ANKRD44: variants seen among roughly 807,000 people sequenced by gnomAD.
The protein encoded by ANKRD44 is serine/threonine-protein phosphatase 6 regulatory ankyrin repeat subunit B.
In ANKRD44, 35 loss-of-function variants were observed where a neutral mutation model predicts 116.0. The observed-to-expected ratio is 0.30, with a 90% confidence interval of 0.23 to 0.40. ANKRD44 has a LOEUF of 0.40. Ranked by LOEUF, ANKRD44 falls within the 10% of genes least tolerant of loss-of-function variation. The probability of loss-of-function intolerance (pLI) is 1.00; values close to 1 mark genes in which losing one functional copy is unlikely to be tolerated. For missense variants in ANKRD44, 1,014 were observed against 1,242.6 expected (o/e 0.82, Z 2.77); for synonymous variants, 435 against 461.8 (o/e 0.94, Z 0.74).
At chr2:197,213,071 A>ATAGT (rs1380487904) in intron 1 of ANKRD44, among the ~76,000 whole-genome samples, 1 of 152,180 alleles carries the variant, frequency 6.6e-6, no homozygotes, top group African/African-American at 2.4e-5. Flanking sequence ...TCCACAAGGG[A>ATAGT]TAGTATACAG....
chr2:197,275,673 T>C (rs2083058186), intron 1 of ANKRD44, among the ~76,000 whole-genome samples: 1 of 152,018 alleles, frequency 6.6e-6, no homozygotes. Flanking sequence ...GGGGTAGCAC[T>C]GCCCCTACAG....
At chr2:197,015,595 G>A in intron 17 of ANKRD44, 1 of 535,160 alleles carries the variant, frequency 1.9e-6, no homozygotes, top group Non-Finnish European at 3.4e-6. Context: ...AAGTAATTTT[G>A]GCTGTGGTAG....
chr2:197,274,008 T>TAGATATATATAA (rs1202436629), intron 1 of ANKRD44, among the ~76,000 whole-genome samples: 1 of 64,186 alleles, frequency 1.6e-5, no homozygotes, highest in Admixed American at 1.9e-4. Flanking sequence ...TATATATATA[T>TAGATATATATAA]ATATATATAT....
At chr2:197,175,054 G>C (rs1284531420) in intron 2 of ANKRD44, among the ~76,000 whole-genome samples, 1 of 152,124 alleles carries the variant, frequency 6.6e-6, no homozygotes, top group Non-Finnish European at 1.5e-5. Context: ...GGCTCTTGTT[G>C]TTTTTTGAAA....
intron 9 of ANKRD44, among the ~76,000 whole-genome samples, chr2:197,101,406 G>A (rs4850760): frequency 0.84 from 128,086 of 152,102 alleles, 56,490 homozygotes; most frequent in East Asian, 1. Flanking sequence ...TTTTCTTAGC[G>A]CACACAGTTA....
intron 5 of ANKRD44, 54 bp from the exon 6 acceptor site, chr2:197,125,522 C>T: frequency 1.4e-6 from 2 of 1,481,356 alleles, no homozygotes; most frequent in Non-Finnish European, 1.9e-6. Context: ...GGTGAGGCCT[C>T]CTCACTGCCT....
intron 15 of ANKRD44, among the ~76,000 whole-genome samples, chr2:197,080,311 T>C (rs1171987637): frequency 6.6e-6 from 1 of 152,216 alleles, no homozygotes; most frequent in Non-Finnish European, 1.5e-5. Context: ...GTGTTTTCAC[T>C]GGGAATGCCT....
intron 21 of ANKRD44, among the ~76,000 whole-genome samples, chr2:196,980,421 A>G (rs1574213229): frequency 6.6e-6 from 1 of 152,368 alleles, no homozygotes; most frequent in South Asian, 2.1e-4. Flanking sequence ...TCTGAAAAAA[A>G]GAAATTCAAA....
intron 17 of ANKRD44, chr2:197,015,799 G>C: frequency 2.0e-6 from 1 of 510,396 alleles, no homozygotes; most frequent in East Asian, 4.1e-5. Flanking sequence ...ATATGGTGGT[G>C]GGGGATATGG....
chr2:197,082,961 G>T (rs181816667), intron 14 of ANKRD44, among the ~76,000 whole-genome samples: 1 of 152,280 alleles, frequency 6.6e-6, no homozygotes, highest in African/African-American at 2.4e-5. Flanking sequence ...TACTAATGCT[G>T]AATTTAAAGG....
In ANKRD44 at chr2:197,154,113, A is replaced by T. The variant is rs991581296; in HGVS notation, c.112-7008T>A. Among the ~76,000 whole-genome samples the T allele has an allele frequency of 8.7e-5, 13 of 150,088 alleles. 1 individual carries two copies. The highest frequency in any genetic ancestry group is 8.6e-4 in the Admixed American group (13 of 15,080). On this transcript the variant is annotated intron_variant, in intron 2 of 27. Coordinates refer to ENST00000282272, the MANE Select transcript of ANKRD44 (RefSeq NM_001195144.2). ...AATAGTTTTACTAATTTACACTCCC[A>T]CCAGTTACATTTTAGTTCCTTTTCC...
In ANKRD44 at chr2:197,271,679, A is replaced by G. The variant is rs111934167; in HGVS notation, c.27+38899T>C. Among the ~76,000 whole-genome samples the G allele has an allele frequency of 5.3e-5, 8 of 152,306 alleles. 1 individual carries two copies. Among genetic ancestry groups the G allele is most frequent in the African/African-American group, 1.7e-4 (7 of 41,570 alleles). ...GAGACAGGGTCTCGCTCTGTTGCCC[A>G]GGCTGGAGTGCAGCCTCAACCTCCT... is the stretch of plus-strand genomic sequence containing the variant. On this transcript the variant is annotated intron_variant, in intron 1 of 27. Transcript: ENST00000282272.
At chr2:196,968,220 C>T (rs956574070) in intron 21 of ANKRD44, among the ~76,000 whole-genome samples, 1 of 152,098 alleles carries the variant, frequency 6.6e-6, no homozygotes, top group African/African-American at 2.4e-5. Flanking sequence ...TGTGAATTAT[C>T]AGAAGAGACC....
At chr2:196,981,099 T>C (rs2075798395) in intron 21 of ANKRD44, among the ~76,000 whole-genome samples, 1 of 152,182 alleles carries the variant, frequency 6.6e-6, no homozygotes, top group Non-Finnish European at 1.5e-5. Flanking sequence ...TGTGAAATCT[T>C]TACTTTGGGC....
At chr2:197,305,730 G>A (rs1254253675) in intron 1 of ANKRD44, among the ~76,000 whole-genome samples, 1 of 152,024 alleles carries the variant, frequency 6.6e-6, no homozygotes, top group African/African-American at 2.4e-5. Flanking sequence ...AGTTTATTTG[G>A]AAAAGTCATT....
chr2:197,034,392 C>T lies in ANKRD44; in HGVS notation c.1651-9125G>A, dbSNP rs17385956. On this transcript the variant is annotated intron_variant, in intron 16 of 27. Transcript: ENST00000282272. ...CCATTTAATACATCTTCATGGTTAC[C>T]GACATTTACACAATCCATGCATTCA... Among the ~76,000 whole-genome samples, 817 of 151,138 alleles carry T rather than the reference C, an allele frequency of 5.4e-3. 8 individuals are homozygous for T. Among genetic ancestry groups the T allele is most frequent in the South Asian group, 0.029 (137 of 4,726 alleles).
chr2:197,245,992 T>C (rs79324735), intron 1 of ANKRD44, among the ~76,000 whole-genome samples: 1,802 of 152,288 alleles, frequency 0.012, 52 homozygotes, highest in African/African-American at 0.042. Flanking sequence ...GCTTCATCCC[T>C]AATGACCTGC....
intron 8 of ANKRD44, among the ~76,000 whole-genome samples, chr2:197,114,900 G>T (rs1000969553): frequency 6.6e-6 from 1 of 152,046 alleles, no homozygotes; most frequent in African/African-American, 2.4e-5. Context: ...TGGTTCTAAG[G>T]GCAAGAGAGA....
chr2:197,218,126 T>C (rs2081493049), intron 1 of ANKRD44, among the ~76,000 whole-genome samples: 1 of 152,218 alleles, frequency 6.6e-6, no homozygotes, highest in Non-Finnish European at 1.5e-5. Flanking sequence ...TTGCCTGGGA[T>C]ACTTTAAGAG....
Sources: allele counts gnomAD v4.1 joint callset (sites outside exome capture counted in the v4.1 genomes callset), GRCh38; gene constraint gnomAD v4.1.1; transcripts MANE v1.5; gene names NCBI Gene and HGNC (gene_info 2026-07-23, HGNC 2026-07-21).